CLEC6A: variants seen among roughly 807,000 people sequenced by gnomAD.
CLEC6A encodes the protein C-type lectin domain containing 6A.
A neutral mutation model predicts 25.7 loss-of-function variants in CLEC6A; 22 were observed. The observed-to-expected ratio is 0.85, with a 90% CI of 0.61 to 1.22. The LOEUF is 1.22. Among genes scored for constraint, CLEC6A ranks in the 50% most tolerant of loss-of-function variants. The pLI, the probability that CLEC6A is intolerant of heterozygous loss-of-function variation, is 0.00. For missense variants in CLEC6A, 240 were observed against 236.8 expected, an observed-to-expected ratio of 1.01 and a Z score of -0.09; for synonymous variants, 92 against 76.7, an observed-to-expected ratio of 1.20 and a Z score of -1.04.
chr12:8,460,901 C>T lies in CLEC6A; in HGVS notation c.223+1203C>T. The T allele has an allele frequency of 3.5e-6, 3 of 864,034 alleles. No homozygotes were observed. In the South Asian group the frequency reaches 3.9e-5, roughly 11 times the overall value. 53.5% of individuals were successfully genotyped at this position (864,034 alleles called of 1,614,324 possible). On this transcript the variant is annotated intron_variant, in intron 3 of 5. Transcript: ENST00000382073. ...CACGGTGTTAACCAGCCAAAGTTTG[C>T]TCCAAACCTTCAGTCTGTTGCAGAG...
chr12:8,467,765 T>C (rs140624407), intron 4 of CLEC6A, among the ~76,000 whole-genome samples: 1 of 152,172 alleles, frequency 6.6e-6, no homozygotes, highest in Admixed American at 6.5e-5. Flanking sequence ...CTCTTTAGAT[T>C]GCATTTTAAC....
chr12:8,460,679 T>C, intron 3 of CLEC6A: 1 of 1,495,550 alleles, frequency 6.7e-7, no homozygotes, highest in South Asian at 1.1e-5. Flanking sequence ...GTCATGAGCT[T>C]TCTTCTGAGG....
chr12:8,461,673 A>G (rs1182023762), intron 3 of CLEC6A, among the ~76,000 whole-genome samples: 3 of 152,180 alleles, frequency 2.0e-5, no homozygotes, highest in East Asian at 1.9e-4. Flanking sequence ...GATCATTACA[A>G]TGAAAAATAA....
At chr12:8,457,592 T>C (rs1318152531) in intron 1 of CLEC6A, among the ~76,000 whole-genome samples, 1 of 152,140 alleles carries the variant, frequency 6.6e-6, no homozygotes, top group East Asian at 1.9e-4. Flanking sequence ...TACAGAGATA[T>C]GAGAAATGGG....
At chr12:8,468,572 G>A (rs1939867148) in intron 4 of CLEC6A, among the ~76,000 whole-genome samples, 1 of 152,164 alleles carries the variant, frequency 6.6e-6, no homozygotes, top group African/African-American at 2.4e-5. Context: ...CTGAATCTTA[G>A]AGGAAAAGCT....
intron 5 of CLEC6A, among the ~76,000 whole-genome samples, chr12:8,476,465 A>C (rs1939975624): frequency 6.6e-6 from 1 of 152,162 alleles, no homozygotes; most frequent in South Asian, 2.1e-4. Context: ...ATAAACTAAT[A>C]AGATGAGAAA....
intron 3 of CLEC6A, among the ~76,000 whole-genome samples, chr12:8,461,785 CAG>C (rs1387124522): frequency 6.6e-6 from 1 of 152,332 alleles, no homozygotes; most frequent in South Asian, 2.1e-4. Flanking sequence ...CAGTTTTAGT[CAG>C]AGTGTGGAGA....
chr12:8,466,158 A>G (rs1377859669), intron 4 of CLEC6A, among the ~76,000 whole-genome samples: 1 of 152,200 alleles, frequency 6.6e-6, no homozygotes, highest in Non-Finnish European at 1.5e-5. Context: ...TTTGATATAC[A>G]AATATATTGT....
chr12:8,476,266 T>C (rs1939973442), intron 5 of CLEC6A, 26 bp downstream of exon 5: 1 of 1,344,910 alleles, frequency 7.4e-7, no homozygotes. Context: ...GGGCCTTGTT[T>C]ACATAGAAAA....
intron 4 of CLEC6A, among the ~76,000 whole-genome samples, chr12:8,473,578 C>T (rs1277121458): frequency 6.6e-6 from 1 of 152,042 alleles, no homozygotes; most frequent in Non-Finnish European, 1.5e-5. Flanking sequence ...TCATTTGCTG[C>T]TGGATATATA....
Position 8,465,612 on chromosome 12 carries a change from A to C in CLEC6A, c.352A>C (p.Asn118His). 2 of 1,613,536 alleles carry C rather than the reference A, an allele frequency of 1.2e-6. No individual in the cohort carries two copies. Among genetic ancestry groups the C allele is most frequent in the Middle Eastern group, 1.7e-4 (1 of 6,058 alleles). The change falls in exon 4 of 6, where the codon AAC becomes CAC. Residue 118 changes from asparagine (N) to histidine (H), a missense_variant. Coordinates refer to ENST00000382073, the MANE Select transcript of CLEC6A (RefSeq NM_001007033.2). ...VEMGAHLVVF[N>H]TEAEQNFIVQ... ...GATGGGAGCACATTTGGTTGTGTTC[A>C]ACACAGAAGCAGAGCAGGTACTGTT...
intron 4 of CLEC6A, among the ~76,000 whole-genome samples, chr12:8,467,803 T>C (rs1163680634): frequency 6.6e-6 from 1 of 152,202 alleles, no homozygotes; most frequent in Non-Finnish European, 1.5e-5. Context: ...TCATTAAACA[T>C]GAGATGTATT....
At chr12:8,459,885 A>G (rs12300621) in intron 3 of CLEC6A, among the ~76,000 whole-genome samples, 187 bp downstream of exon 3, 111,499 of 151,476 alleles carry the variant, frequency 0.74, 41,728 homozygotes, top group East Asian at 0.99. Context: ...CTCCAGAATA[A>G]TTTCTTCATC....
intron 4 of CLEC6A, among the ~76,000 whole-genome samples, chr12:8,470,344 C>T (rs1267275961): frequency 1.3e-5 from 2 of 152,094 alleles, no homozygotes; most frequent in Non-Finnish European, 2.9e-5. Flanking sequence ...GGAATGTAAA[C>T]TAGTACAACC....
rs1487669920 is a variant in CLEC6A at position 8,456,069 on chromosome 12, T to C, written c.-43T>C. Reference sequence around the variant, plus strand: ...TGGGCAACATCTTTAGGGAGAGAGGTACAAAAGGTTCCTGGACCTTCTCAA... The same window carrying C: ...TGGGCAACATCTTTAGGGAGAGAGGCACAAAAGGTTCCTGGACCTTCTCAA... On this transcript the variant is annotated 5_prime_UTR_variant, in exon 1 of 6. Coordinates refer to ENST00000382073, the MANE Select transcript of CLEC6A (RefSeq NM_001007033.2). 4.4e-6 allele frequency: 7 copies of C among 1,607,960 alleles called. No homozygotes were observed. The highest frequency in any genetic ancestry group is 6.0e-6 in the Non-Finnish European group (7 of 1,175,050).
chr12:8,465,453 C>T (rs1939817140), intron 3 of CLEC6A, 31 bp from the exon 4 acceptor site: 2 of 1,611,636 alleles, frequency 1.2e-6, no homozygotes, highest in African/African-American at 1.3e-5. Flanking sequence ...ATCTTGCACT[C>T]ACTCTTTTTT....
At chr12:8,461,189 A>T in intron 3 of CLEC6A, 1 of 1,105,224 alleles carries the variant, frequency 9.0e-7, no homozygotes, top group Non-Finnish European at 1.4e-6. Context: ...CATCTGGCAG[A>T]TTGGAGAATG....
Position 8,456,086 on chromosome 12 carries a change from C to T in CLEC6A, c.-26C>T. The T allele has an allele frequency of 6.2e-7, 1 of 1,613,048 alleles. No homozygotes were observed. Among genetic ancestry groups the T allele is most frequent in the Non-Finnish European group, 8.5e-7 (1 of 1,179,294 alleles). On this transcript the variant is annotated 5_prime_UTR_variant, in exon 1 of 6. Coordinates refer to ENST00000382073, the MANE Select transcript of CLEC6A (RefSeq NM_001007033.2). ...GAGAGAGGTACAAAAGGTTCCTGGA[C>T]CTTCTCAACACAGGGAGCCTGCATA... is the stretch of plus-strand genomic sequence containing the variant.
At chr12:8,476,814 C>T (rs780304839) in intron 5 of CLEC6A, among the ~76,000 whole-genome samples, 1 of 152,106 alleles carries the variant, frequency 6.6e-6, no homozygotes, top group South Asian at 2.1e-4. Flanking sequence ...GAGTGAGTAT[C>T]AAAACCAGGT....
Sources: allele counts gnomAD v4.1 joint callset (sites outside exome capture counted in the v4.1 genomes callset), GRCh38; gene constraint gnomAD v4.1.1; transcripts MANE v1.5; gene names NCBI Gene and HGNC (gene_info 2026-07-23, HGNC 2026-07-21).